SLC25A48: variants seen among roughly 807,000 people sequenced by gnomAD.
The protein encoded by SLC25A48 is solute carrier family 25 member 48.
In SLC25A48, 29 loss-of-function variants were observed where a neutral mutation model predicts 32.2. That is an observed-to-expected ratio of 0.90 (90% confidence interval 0.67 to 1.23). The LOEUF is 1.23. Ranked by LOEUF, SLC25A48 falls within the 50% of genes most tolerant of loss-of-function variation. SLC25A48 has a pLI of 0.00. For synonymous variants in SLC25A48, 164 were observed against 172.3 expected, an observed-to-expected ratio of 0.95 and a Z score of 0.38; for missense variants, 399 against 422.7, an observed-to-expected ratio of 0.94 and a Z score of 0.49.
At chr5:135,754,776 G>A (rs898127581) in intron 3 of SLC25A48, among the ~76,000 whole-genome samples, 10 of 136,004 alleles carry the variant, frequency 7.4e-5, no homozygotes, top group African/African-American at 2.8e-4. Flanking sequence ...TTTATACACT[G>A]TGATATTAGT....
chr5:135,760,165 C>G (rs1235514457), intron 3 of SLC25A48, among the ~76,000 whole-genome samples: 1 of 152,122 alleles, frequency 6.6e-6, no homozygotes, highest in African/African-American at 2.4e-5. Flanking sequence ...TTTCTCGCTC[C>G]TACGGACCTC....
intron 3 of SLC25A48, among the ~76,000 whole-genome samples, chr5:135,652,024 C>G (rs1753126430): frequency 6.6e-6 from 1 of 152,222 alleles, no homozygotes; most frequent in Non-Finnish European, 1.5e-5. Flanking sequence ...GACAAAATAA[C>G]ATGCTCAGAA....
chr5:135,880,839 T>C (rs1762414624), intron 7 of SLC25A48, among the ~76,000 whole-genome samples: 1 of 152,302 alleles, frequency 6.6e-6, no homozygotes, highest in East Asian at 1.9e-4. Flanking sequence ...TGTCCTTGGC[T>C]TCACCAGCTC....
chr5:135,858,803 A>C (rs1045494852), intron 4 of SLC25A48, among the ~76,000 whole-genome samples: 2 of 152,328 alleles, frequency 1.3e-5, no homozygotes, highest in South Asian at 2.1e-4. Flanking sequence ...CATGTCCCCA[A>C]AATGACGTTG....
At chr5:135,766,503 G>A (rs1052879104) in intron 3 of SLC25A48, among the ~76,000 whole-genome samples, 5 of 151,232 alleles carry the variant, frequency 3.3e-5, no homozygotes, top group African/African-American at 1.2e-4. Context: ...GGGGGGAGAG[G>A]GTAACATTAC....
chr5:135,752,055 G>A (rs945112821), intron 3 of SLC25A48, among the ~76,000 whole-genome samples: 3 of 152,060 alleles, frequency 2.0e-5, no homozygotes, highest in Non-Finnish European at 4.4e-5. Context: ...CCTAAATGTC[G>A]AGTCTAAAAC....
intron 3 of SLC25A48, among the ~76,000 whole-genome samples, chr5:135,658,236 G>T (rs563029561): frequency 1.3e-5 from 2 of 152,222 alleles, no homozygotes; most frequent in Admixed American, 1.3e-4. Flanking sequence ...TAGGGTTAAT[G>T]CTCCCATTCC....
chr5:135,582,090 T>TA (rs1751247333), intron 1 of SLC25A48, among the ~76,000 whole-genome samples: 1 of 152,200 alleles, frequency 6.6e-6, no homozygotes, highest in African/African-American at 2.4e-5. Flanking sequence ...TTCATGGTCA[T>TA]ACTGGATTCT....
intron 3 of SLC25A48, among the ~76,000 whole-genome samples, chr5:135,709,755 T>C (rs2126973336): frequency 6.6e-6 from 1 of 152,350 alleles, no homozygotes; most frequent in Middle Eastern, 3.4e-3. Flanking sequence ...CTACATTATA[T>C]GATTCCTATG....
At chr5:135,591,553 A>C (rs1580706357) in intron 1 of SLC25A48, among the ~76,000 whole-genome samples, 1 of 152,164 alleles carries the variant, frequency 6.6e-6, no homozygotes, top group African/African-American at 2.4e-5. Flanking sequence ...GGAGTGTTCC[A>C]TGTATCCTGC....
At chr5:135,873,319 T>C (rs1761808460) in intron 5 of SLC25A48, among the ~76,000 whole-genome samples, 1 of 152,194 alleles carries the variant, frequency 6.6e-6, no homozygotes, top group Admixed American at 6.5e-5. Flanking sequence ...AATGTACCAA[T>C]TTCTGTGTTT....
At chr5:135,719,809 T>A (rs536908482) in intron 3 of SLC25A48, among the ~76,000 whole-genome samples, 4 of 152,282 alleles carry the variant, frequency 2.6e-5, no homozygotes, top group African/African-American at 9.6e-5. Flanking sequence ...CCTCCTGCAG[T>A]CCAGCCCTGG....
chr5:135,838,741 G>T lies in SLC25A48; in HGVS notation c.47-3675G>T, dbSNP rs372358035. Among the ~76,000 whole-genome samples, 34 of 152,368 alleles carry T rather than the reference G, an allele frequency of 2.2e-4. No individual in the cohort carries two copies. In the South Asian group the frequency reaches 7.0e-3, roughly 32 times the overall value. On this transcript the variant is annotated intron_variant, in intron 1 of 7. Coordinates refer to ENST00000681962, the MANE Select transcript of SLC25A48 (RefSeq NM_001349336.2). Reference sequence around the variant, plus strand: ...GCAGCTTACACATGGTGTTGAGCCTGTGGGTGGATAGAAGTCAAGAATTGA... The same window carrying T: ...GCAGCTTACACATGGTGTTGAGCCTTTGGGTGGATAGAAGTCAAGAATTGA...
At chr5:135,589,135 C>T (rs1751446748) in intron 1 of SLC25A48, among the ~76,000 whole-genome samples, 1 of 152,138 alleles carries the variant, frequency 6.6e-6, no homozygotes, top group Non-Finnish European at 1.5e-5. Context: ...CTTTGGGGCA[C>T]ACTGTTTCAT....
chr5:135,753,174 G>A lies in SLC25A48; in HGVS notation c.-520-59349G>A, dbSNP rs568467983. 1.2e-4 allele frequency among the ~76,000 whole-genome samples: 19 copies of A among 152,068 alleles called. No homozygotes were observed. The East Asian group carries it at 1.4e-3, about 11-fold the overall frequency. ...GTATACTCCTTCTGTGATATTAGCAGTAATGTCTTGAGGATATTTTATGCA... is the reference window on the plus strand; with the variant it reads ...GTATACTCCTTCTGTGATATTAGCAATAATGTCTTGAGGATATTTTATGCA... On this transcript the variant is annotated intron_variant, in intron 3 of 10. Coordinates refer to the SLC25A48 transcript ENST00000646290.
At chr5:135,883,853 G>T (rs1383343273) in intron 7 of SLC25A48, among the ~76,000 whole-genome samples, 4 of 152,166 alleles carry the variant, frequency 2.6e-5, no homozygotes, top group African/African-American at 9.7e-5. Flanking sequence ...TGACTTCATT[G>T]TTCTAAATTT....
intron 3 of SLC25A48, among the ~76,000 whole-genome samples, chr5:135,643,390 C>T (rs947153134): frequency 7.2e-5 from 11 of 152,158 alleles, no homozygotes; most frequent in Admixed American, 3.9e-4. Context: ...TTCAGAATGT[C>T]AGTCAGCCAC....
chr5:135,702,803 C>G (rs1285321955), intron 3 of SLC25A48, among the ~76,000 whole-genome samples: 1 of 152,230 alleles, frequency 6.6e-6, no homozygotes, highest in African/African-American at 2.4e-5. Context: ...ATCCCATTCT[C>G]ACAAAACACG....
At chr5:135,584,290 G>A (rs1751311334) in intron 1 of SLC25A48, among the ~76,000 whole-genome samples, 3 of 152,200 alleles carry the variant, frequency 2.0e-5, no homozygotes, top group Admixed American at 6.5e-5. Context: ...CACATGCAAA[G>A]ATATTTCCGA....
Sources: allele counts gnomAD v4.1 joint callset (sites outside exome capture counted in the v4.1 genomes callset), GRCh38; gene constraint gnomAD v4.1.1; transcripts MANE v1.5; gene names NCBI Gene and HGNC (gene_info 2026-07-23, HGNC 2026-07-21).